FMN1: variants seen among roughly 807,000 people sequenced by gnomAD.
FMN1 encodes the protein formin-1.
FMN1 carries 110 observed loss-of-function variants against 132.4 expected under a neutral mutation model. The ratio of observed to expected loss-of-function variants is 0.83; its 90% confidence interval spans 0.71 to 0.97. The LOEUF (loss-of-function observed/expected upper bound fraction) is 0.97, where lower values mean the gene tolerates loss of function less well. FMN1 is among the 50% of genes least tolerant of loss of function. The pLI, the probability that FMN1 is intolerant of heterozygous loss-of-function variation, is 0.00. For synonymous variants in FMN1, 722 were observed against 651.7 expected (o/e 1.11, Z -1.64); for missense variants, 1,792 against 1,705.3 (o/e 1.05, Z -0.90).
At chr15:33,143,939 G>A (rs1436220985) in intron 4 of FMN1, among the ~76,000 whole-genome samples, 1 of 152,138 alleles carries the variant, frequency 6.6e-6, no homozygotes, top group East Asian at 1.9e-4. Context: ...ATGAGAGGCA[G>A]ATAATATGTC....
intron 7 of FMN1, among the ~76,000 whole-genome samples, chr15:32,991,157 C>T (rs536249164): frequency 6.6e-6 from 1 of 152,254 alleles, no homozygotes. Context: ...GCATTTATAG[C>T]CCATAGACAA....
intron 7 of FMN1, among the ~76,000 whole-genome samples, chr15:32,973,042 C>T (rs922409157): frequency 5.9e-5 from 9 of 152,178 alleles, no homozygotes; most frequent in Non-Finnish European, 1.2e-4. Context: ...CCCCCACCAC[C>T]TCAATCTTTC....
Position 32,769,339 on chromosome 15 carries a change from C to T in FMN1, c.*4971G>A, listed in dbSNP as rs1393406399. The stretch of plus-strand genomic sequence containing the variant: ...CCAACAAAGCATTGATCTGGAAGTT[C>T]AGTAGATTGCCCATTCCTTGGGAAG... On this transcript the variant is annotated 3_prime_UTR_variant, in exon 21 of 21. Coordinates refer to ENST00000616417, the MANE Select transcript of FMN1 (RefSeq NM_001277313.2). 1 of 152,190 alleles carries T rather than the reference C, an allele frequency of 6.6e-6. No homozygotes were observed. Among genetic ancestry groups the T allele is most frequent in the Non-Finnish European group, 1.5e-5 (1 of 68,046 alleles). The allele number at this position is 152,190 out of a possible 1,614,324, so 9.4% of individuals were successfully genotyped here.
At chr15:33,041,595 A>G (rs2036443066) in intron 6 of FMN1, among the ~76,000 whole-genome samples, 1 of 152,146 alleles carries the variant, frequency 6.6e-6, no homozygotes. Context: ...AGACATACAA[A>G]TGGCTAATAA....
intron 4 of FMN1, among the ~76,000 whole-genome samples, chr15:33,114,980 T>TG (rs1237395620): frequency 6.6e-6 from 1 of 152,178 alleles, no homozygotes; most frequent in Non-Finnish European, 1.5e-5. Context: ...TAAACTGACC[T>TG]GCACTGATCC....
intron 2 of FMN1, among the ~76,000 whole-genome samples, chr15:33,183,141 G>A (rs1354145619): frequency 2.0e-4 from 31 of 152,228 alleles, no homozygotes; most frequent in Non-Finnish European, 2.9e-5. Context: ...AATGACCAAG[G>A]CCTGCTGTCA....
chr15:33,065,780 C>A (rs1195241851), intron 5 of FMN1, among the ~76,000 whole-genome samples: 1 of 152,168 alleles, frequency 6.6e-6, no homozygotes, highest in South Asian at 2.1e-4. Flanking sequence ...TTCTTCTGAT[C>A]GTTTAAGATC....
chr15:33,034,241 C>T (rs866872894), intron 6 of FMN1, among the ~76,000 whole-genome samples: 1 of 152,112 alleles, frequency 6.6e-6, no homozygotes, highest in South Asian at 2.1e-4. Flanking sequence ...TCCCCCTAAA[C>T]ATGCTCCACC....
At chr15:32,898,730 C>G in intron 15 of FMN1, 104 bp downstream of exon 15, 2 of 740,132 alleles carry the variant, frequency 2.7e-6, no homozygotes, top group Non-Finnish European at 4.7e-6. Flanking sequence ...CTCTCATATT[C>G]TATGTTGGGC....
In FMN1 at chr15:32,969,224, T is replaced by C. The variant is rs1311273567; in HGVS notation, c.2477A>G (p.Asn826Ser). Residue 826 changes from asparagine (N) to serine (S), a missense_variant, in exon 8 of 21, where the codon AAT becomes AGT. Around this residue, in one of 3 missense-constraint regions of FMN1, gnomAD observed 1,150 missense variants for 1,043.1 expected, o/e 1.10. Coordinates refer to ENST00000616417, the MANE Select transcript of FMN1 (RefSeq NM_001277313.2). The part of the protein sequence containing the change: ...CESESKTTRS[N>S]QLVPKKLNIS... ...ATTCAGCTTTTTGGGTACTAATTGATTACTTCTGGTTGTCTTGCTTTCACT... is the reference window on the plus strand; with the variant it reads ...ATTCAGCTTTTTGGGTACTAATTGACTACTTCTGGTTGTCTTGCTTTCACT... 6.2e-7 allele frequency: 1 copy of C among 1,613,924 alleles called. No homozygotes were observed.
intron 15 of FMN1, among the ~76,000 whole-genome samples, chr15:32,896,275 T>G (rs941875383): frequency 6.6e-6 from 1 of 151,918 alleles, no homozygotes; most frequent in Non-Finnish European, 1.5e-5. Context: ...AAATGAATGA[T>G]TCTCTCTTCA....
chr15:32,947,132 A>G (rs180926249), intron 9 of FMN1, among the ~76,000 whole-genome samples: 1 of 152,266 alleles, frequency 6.6e-6, no homozygotes, highest in African/African-American at 2.4e-5. Context: ...ATAGGCTCCT[A>G]TATTATTTTC....
At chr15:32,959,537 A>G (rs1265195079) in intron 9 of FMN1, among the ~76,000 whole-genome samples, 1 of 152,198 alleles carries the variant, frequency 6.6e-6, no homozygotes, top group African/African-American at 2.4e-5. Flanking sequence ...CAGTAGACCC[A>G]ATTTTTTGCC....
At chr15:32,907,523 G>C (rs577600982) in intron 12 of FMN1, among the ~76,000 whole-genome samples, 696 of 152,018 alleles carry the variant, frequency 4.6e-3, no homozygotes, top group Non-Finnish European at 7.4e-3. Context: ...CCATGGGCTG[G>C]TACCAGTCTG....
intron 16 of FMN1, among the ~76,000 whole-genome samples, chr15:32,879,853 A>ATTT (rs10676903): frequency 5.3e-5 from 8 of 151,714 alleles, no homozygotes; most frequent in African/African-American, 1.2e-4. Flanking sequence ...TCATTGTGGG[A>ATTT]TTTTTTGTTT....
At chr15:32,849,443 C>T (rs2058951330) in intron 17 of FMN1, among the ~76,000 whole-genome samples, 1 of 151,834 alleles carries the variant, frequency 6.6e-6, no homozygotes, top group Non-Finnish European at 1.5e-5. Context: ...ATTAGGGATC[C>T]TCCAGGTCAA....
chr15:33,122,850 A>T (rs1962694735), intron 4 of FMN1, among the ~76,000 whole-genome samples: 1 of 152,222 alleles, frequency 6.6e-6, no homozygotes, highest in South Asian at 2.1e-4. Context: ...GAATAGAAAG[A>T]GATTGACATA....
intron 5 of FMN1, among the ~76,000 whole-genome samples, chr15:33,082,229 C>T (rs1287420843): frequency 6.6e-6 from 1 of 151,892 alleles, no homozygotes; most frequent in Non-Finnish European, 1.5e-5. Flanking sequence ...CCCACCGCCA[C>T]GGTCGGCTAA....
At chr15:32,880,644 T>C (rs1033434314) in intron 16 of FMN1, among the ~76,000 whole-genome samples, 1 of 152,186 alleles carries the variant, frequency 6.6e-6, no homozygotes, top group African/African-American at 2.4e-5. Flanking sequence ...TTTTGAGAAA[T>C]TGCATGTCTC....
Sources: gnomAD v4.1 joint callset for allele counts (sites outside exome capture counted in the v4.1 genomes callset) on GRCh38, gnomAD v4.1.1 for gene constraint, gnomAD v4.1.1 regional missense constraint, MANE v1.5 for transcripts, NCBI Gene and HGNC (gene_info 2026-07-23, HGNC 2026-07-21) for gene names.